Variants in IL1RAPL1 observed in about 807,000 individuals in gnomAD.
IL1RAPL1 encodes interleukin-1 receptor accessory protein-like 1.
Under a neutral mutation model 48.4 loss-of-function variants are expected in IL1RAPL1, and 3 were observed. The observed-to-expected ratio is 0.06, with a 90% confidence interval of 0.03 to 0.16. The LOEUF (loss-of-function observed/expected upper bound fraction) is 0.16. IL1RAPL1 is among the 10% of genes least tolerant of loss of function. IL1RAPL1 has a pLI of 1.00. For missense variants in IL1RAPL1, 349 were observed against 530.6 expected (o/e 0.66, Z 3.36); for synonymous variants, 185 against 187.7 (o/e 0.99, Z 0.12).
chrX:29,241,122 G>A (rs1418356858), intron 2 of IL1RAPL1, among the ~76,000 whole-genome samples: 1 of 112,101 alleles, frequency 8.9e-6, no homozygotes, highest in East Asian at 2.8e-4. Context: ...GGGGTTAAGA[G>A]TTGCAATAGT....
At chrX:28,789,725 G>T (rs1293812987) in intron 2 of IL1RAPL1, among the ~76,000 whole-genome samples, 1 of 111,712 alleles carries the variant, frequency 9.0e-6, no homozygotes, top group Admixed American at 9.5e-5. Flanking sequence ...TATAAACAGT[G>T]TTATTTAATT....
chrX:29,316,163 A>C (rs368930037), intron 3 of IL1RAPL1, among the ~76,000 whole-genome samples: 12 of 112,032 alleles, frequency 1.1e-4, no homozygotes, highest in African/African-American at 3.6e-4. Flanking sequence ...CCCTCAGGCC[A>C]TTCCCGGACT....
At chrX:29,014,430 G>A (rs957142736) in intron 2 of IL1RAPL1, among the ~76,000 whole-genome samples, 1 of 111,147 alleles carries the variant, frequency 9.0e-6, no homozygotes, top group Non-Finnish European at 1.9e-5. Context: ...GTATATTTGT[G>A]TATATATACT....
intron 1 of IL1RAPL1, among the ~76,000 whole-genome samples, chrX:28,749,403 C>T (rs1936013241): frequency 8.9e-6 from 1 of 111,752 alleles, no homozygotes; most frequent in Admixed American, 9.5e-5. Flanking sequence ...GCTCCCTTTT[C>T]TCCAAATGCT....
rs1036049901 is a variant in IL1RAPL1, at chrX:28,784,895, A to G, written c.-24-4425A>G. On this transcript the variant is annotated intron_variant, in intron 1 of 10. Transcript: ENST00000378993. ...CTGAATCTCTTTTGCCTCAGTTTACATATGTCATCCAGAATTCCCCAGTTA... is the reference window on the plus strand; with the variant it reads ...CTGAATCTCTTTTGCCTCAGTTTACGTATGTCATCCAGAATTCCCCAGTTA... 3.6e-5 allele frequency among the ~76,000 whole-genome samples: 4 copies of G among 111,469 alleles called. No homozygotes were observed. In the East Asian group the frequency reaches 1.1e-3, roughly 32 times the overall value.
intron 3 of IL1RAPL1, among the ~76,000 whole-genome samples, chrX:29,340,016 G>C (rs1054505797): frequency 8.9e-6 from 1 of 111,971 alleles, no homozygotes; most frequent in Non-Finnish European, 1.9e-5. Context: ...CTCATTATCT[G>C]TTGCATAGTA....
rs370239229 is a variant in IL1RAPL1 at position 29,175,831 on chromosome X, G to T, written c.83-107107G>T. On this transcript the variant is annotated intron_variant, in intron 2 of 10. Coordinates refer to ENST00000378993, the MANE Select transcript of IL1RAPL1 (RefSeq NM_014271.4). ...ACTGCACTCCAGCCTGGGCAACAGA[G>T]TGAGACTCTGTCTCAAAAAAAAAAA... Among the ~76,000 whole-genome samples the T allele has an allele frequency of 9.8e-5, 7 of 71,730 alleles. No individual in the cohort carries two copies. In the East Asian group the frequency reaches 3.5e-3, roughly 36 times the overall value. 62.3% of individuals were successfully genotyped at this position (71,730 alleles called of 115,157 possible).
chrX:28,856,749 A>G (rs906673295), intron 2 of IL1RAPL1, among the ~76,000 whole-genome samples: 1 of 111,278 alleles, frequency 9.0e-6, no homozygotes, highest in Non-Finnish European at 1.9e-5. Context: ...CCACTCCCCT[A>G]TCTTTCTCCC....
intron 1 of IL1RAPL1, among the ~76,000 whole-genome samples, chrX:28,708,316 GATGTCCTTAGGGCA>G (rs201096176): frequency 0.013 from 1,439 of 111,255 alleles, 28 homozygotes; most frequent in African/African-American, 0.045. Flanking sequence ...AGGCTTTGCT[GATGTCCTTAGGGCA>G]ATGCCTTTAA....
chrX:29,644,134 C>T (rs1018742288), intron 5 of IL1RAPL1, among the ~76,000 whole-genome samples: 4 of 111,995 alleles, frequency 3.6e-5, no homozygotes, highest in Admixed American at 9.5e-5. Context: ...ATAAAGAAGA[C>T]AAAGAAGTCT....
chrX:28,969,226 T>G (rs2147367568), intron 2 of IL1RAPL1, among the ~76,000 whole-genome samples: 1 of 112,002 alleles, frequency 8.9e-6, no homozygotes, highest in South Asian at 3.6e-4. Context: ...CAAGCTGGGG[T>G]TTTGGTTACT....
At chrX:28,800,878 T>C (rs1276114266) in intron 2 of IL1RAPL1, among the ~76,000 whole-genome samples, 1 of 106,333 alleles carries the variant, frequency 9.4e-6, no homozygotes, top group Non-Finnish European at 1.9e-5. Flanking sequence ...TTTATTTATT[T>C]ATTTATTTAT....
At chrX:29,719,506 G>A (rs1424749414) in intron 6 of IL1RAPL1, among the ~76,000 whole-genome samples, 4 of 110,516 alleles carry the variant, frequency 3.6e-5, no homozygotes, top group African/African-American at 9.9e-5. Flanking sequence ...TATTGGCCCC[G>A]CTAAAGAGTT....
chrX:29,556,963 C>T (rs1472928119), intron 5 of IL1RAPL1, among the ~76,000 whole-genome samples: 1 of 111,225 alleles, frequency 9.0e-6, no homozygotes, highest in Non-Finnish European at 1.9e-5. Context: ...CATTTTTTAG[C>T]AACTTTGTTT....
chrX:28,640,888 A>G (rs187727784), intron 1 of IL1RAPL1, among the ~76,000 whole-genome samples: 26 of 110,615 alleles, frequency 2.4e-4, no homozygotes, highest in Admixed American at 1.9e-4. Flanking sequence ...TATGCTGCAT[A>G]TCAAATCCCC....
Position 29,790,557 on chromosome X carries a change from A to C in IL1RAPL1, c.778+122053A>C, listed in dbSNP as rs747870897. 2.7e-5 allele frequency among the ~76,000 whole-genome samples: 3 copies of C among 112,302 alleles called. No individual in the cohort carries two copies. The East Asian group carries it at 8.4e-4, about 31-fold the overall frequency. Reference sequence around the variant, plus strand: ...ATAAAACTATATTACTTAGCTTTTTAAGTTACATATGTCCATTATATGTAT... The same window carrying C: ...ATAAAACTATATTACTTAGCTTTTTCAGTTACATATGTCCATTATATGTAT... On this transcript the variant is annotated intron_variant, in intron 6 of 10. Coordinates refer to ENST00000378993, the MANE Select transcript of IL1RAPL1 (RefSeq NM_014271.4).
intron 2 of IL1RAPL1, among the ~76,000 whole-genome samples, chrX:28,796,655 C>T (rs973170837): frequency 1.8e-5 from 2 of 111,491 alleles, no homozygotes; most frequent in Admixed American, 9.5e-5. Context: ...GCTCTACCCC[C>T]GTGGCTTTGC....
intron 1 of IL1RAPL1, among the ~76,000 whole-genome samples, chrX:28,784,838 A>G (rs759250298): frequency 9.0e-6 from 1 of 110,863 alleles, no homozygotes; most frequent in East Asian, 2.9e-4. Context: ...CCCCATACTA[A>G]TATCTCTTCC....
At chrX:29,880,726 T>C (rs1932009280) in intron 6 of IL1RAPL1, among the ~76,000 whole-genome samples, 1 of 111,676 alleles carries the variant, frequency 9.0e-6, no homozygotes, top group South Asian at 3.7e-4. Context: ...TGTCTGATTC[T>C]TTTTTTCTTT....
Sources: gnomAD v4.1 joint callset for allele counts (sites outside exome capture counted in the v4.1 genomes callset) on GRCh38, gnomAD v4.1.1 for gene constraint, MANE v1.5 for transcripts, NCBI Gene and HGNC (gene_info 2026-07-23, HGNC 2026-07-21) for gene names.